Variants in CLASP1 observed in about 807,000 individuals in gnomAD.
CLASP1 encodes the protein cytoplasmic linker associated protein 1.
CLASP1 carries 38 observed loss-of-function variants against 192.3 expected under a neutral mutation model. The ratio of observed to expected loss-of-function variants is 0.20; its 90% CI spans 0.15 to 0.26. CLASP1 has a LOEUF of 0.26. Ranked by LOEUF, CLASP1 falls within the 10% of genes least tolerant of loss-of-function variation. CLASP1 has a pLI of 1.00. For synonymous variants in CLASP1, 691 were observed against 712.8 expected, an observed-to-expected ratio of 0.97 and a Z score of 0.49; for missense variants, 1,433 against 1,932.5, an observed-to-expected ratio of 0.74 and a Z score of 4.85.
At chr2:121,339,391 G>A (rs928489311) in exon 40 of CLASP1, 5 of 152,180 alleles carry the variant, frequency 3.3e-5, no homozygotes, top group African/African-American at 7.2e-5. Flanking sequence ...TAGCAAATAC[G>A]TTATTAGAAT....
At chr2:121,522,722 A>G (rs1204525560) in intron 6 of CLASP1, among the ~76,000 whole-genome samples, 1 of 152,194 alleles carries the variant, frequency 6.6e-6, no homozygotes, top group Non-Finnish European at 1.5e-5. Flanking sequence ...TGTCTGGTAT[A>G]TGGCAGTATG....
intron 1 of CLASP1, among the ~76,000 whole-genome samples, chr2:121,637,195 A>AATAT (rs1381895465): frequency 1.3e-5 from 2 of 152,338 alleles, no homozygotes; most frequent in Non-Finnish European, 2.9e-5. Context: ...AGTGCCTCAT[A>AATAT]TATCAAGCAG....
chr2:121,599,657 T>G (rs2063569377), intron 2 of CLASP1, among the ~76,000 whole-genome samples: 1 of 148,506 alleles, frequency 6.7e-6, no homozygotes, highest in Admixed American at 6.8e-5. Context: ...GGCTCACGCC[T>G]GTAATCCCAG....
At chr2:121,602,540 C>G (rs1432432558) in intron 2 of CLASP1, among the ~76,000 whole-genome samples, 1 of 152,206 alleles carries the variant, frequency 6.6e-6, no homozygotes, top group Non-Finnish European at 1.5e-5. Context: ...AGGCATCACA[C>G]TAACAGACCT....
At chr2:121,636,842 G>A (rs528917537) in intron 1 of CLASP1, among the ~76,000 whole-genome samples, 17 of 152,210 alleles carry the variant, frequency 1.1e-4, no homozygotes, top group Admixed American at 9.2e-4. Flanking sequence ...TTGGTAAAAT[G>A]ACTTAAAAGG....
At chr2:121,583,966 T>C (rs1287282105) in intron 2 of CLASP1, among the ~76,000 whole-genome samples, 1 of 151,138 alleles carries the variant, frequency 6.6e-6, no homozygotes, top group African/African-American at 2.5e-5. Context: ...TCCACTCTTC[T>C]GCCATGTGAG....
At chr2:121,443,353 C>T (rs192876207) in intron 19 of CLASP1, among the ~76,000 whole-genome samples, 1 of 152,072 alleles carries the variant, frequency 6.6e-6, no homozygotes, top group African/African-American at 2.4e-5. Context: ...GTTATATAGG[C>T]ATAGAAATCA....
intron 1 of CLASP1, among the ~76,000 whole-genome samples, chr2:121,648,984 C>G (rs975515046): frequency 1.3e-5 from 2 of 152,198 alleles, no homozygotes; most frequent in Non-Finnish European, 2.9e-5. Context: ...CTCTCCCTCG[C>G]CCCCTCCCTT....
intron 28 of CLASP1, among the ~76,000 whole-genome samples, chr2:121,399,633 T>C (rs950827544): frequency 2.0e-5 from 3 of 152,270 alleles, no homozygotes; most frequent in African/African-American, 7.2e-5. Context: ...GCATCTCAAC[T>C]GCTGAGAAAA....
chr2:121,466,064 A>C (rs1291765978), intron 9 of CLASP1, among the ~76,000 whole-genome samples: 1 of 152,220 alleles, frequency 6.6e-6, no homozygotes, highest in African/African-American at 2.4e-5. Flanking sequence ...AAAGTCTAGT[A>C]ATTTTCTAAG....
chr2:121,640,293 G>A (rs1014069682), intron 1 of CLASP1, among the ~76,000 whole-genome samples: 9 of 152,134 alleles, frequency 5.9e-5, no homozygotes, highest in East Asian at 1.9e-4. Flanking sequence ...TGGGTGCAGC[G>A]GGCCAGCATT....
At chr2:121,578,664 G>A (rs567590074) in intron 2 of CLASP1, among the ~76,000 whole-genome samples, 5 of 150,880 alleles carry the variant, frequency 3.3e-5, no homozygotes, top group Non-Finnish European at 7.4e-5. Flanking sequence ...GGAGGCGGAG[G>A]TTGCAGTGAG....
chr2:121,374,236 G>A (rs1020254306), intron 34 of CLASP1, among the ~76,000 whole-genome samples: 2 of 152,262 alleles, frequency 1.3e-5, no homozygotes, highest in Admixed American at 6.5e-5. Flanking sequence ...TTCAGAGGGT[G>A]TAAACCCCAA....
At chr2:121,401,784 G>A (rs2149462858) in intron 27 of CLASP1, 84 bp downstream of exon 28, 1 of 889,648 alleles carries the variant, frequency 1.1e-6, no homozygotes, top group Non-Finnish European at 1.9e-6. Context: ...TTGTAACTTA[G>A]GTTAACACTG....
intron 1 of CLASP1, among the ~76,000 whole-genome samples, chr2:121,633,383 C>T (rs1396203366): frequency 6.6e-6 from 1 of 152,110 alleles, no homozygotes; most frequent in East Asian, 1.9e-4. Flanking sequence ...AATACCATCA[C>T]TATTCAGAAG....
chr2:121,625,079 T>C (rs1304116012), intron 1 of CLASP1, among the ~76,000 whole-genome samples: 3 of 152,204 alleles, frequency 2.0e-5, no homozygotes, highest in Non-Finnish European at 4.4e-5. Context: ...GCATAACATA[T>C]GGTCTATCCT....
chr2:121,431,486 T>C (rs2081387292), intron 19 of CLASP1, among the ~76,000 whole-genome samples: 1 of 152,082 alleles, frequency 6.6e-6, no homozygotes, highest in African/African-American at 2.4e-5. Flanking sequence ...AGCCTATGAG[T>C]GATGACCTCT....
chr2:121,397,104 C>T (rs748780276), intron 30 of CLASP1, 36 bp downstream of exon 31: 1 of 1,608,460 alleles, frequency 6.2e-7, no homozygotes, highest in East Asian at 2.2e-5. Flanking sequence ...AGCCCAGGAA[C>T]AATCTGTAAT....
At chr2:121,609,404 G>A (rs2105943044) in intron 1 of CLASP1, among the ~76,000 whole-genome samples, 1 of 152,276 alleles carries the variant, frequency 6.6e-6, no homozygotes, top group South Asian at 2.1e-4. Flanking sequence ...GAGACTGGAA[G>A]CCCCTAGGCT....
Sources: allele counts gnomAD v4.1 joint callset (sites outside exome capture counted in the v4.1 genomes callset), GRCh38; gene constraint gnomAD v4.1.1; transcripts MANE v1.5; gene names NCBI Gene and HGNC (gene_info 2026-07-23, HGNC 2026-07-21).